The following CROT variants were observed in gnomAD, a reference collection of about 807,000 sequenced individuals.
The protein encoded by CROT is carnitine O-octanoyltransferase, also known as peroxisomal carnitine O-octanoyltransferase.
A neutral mutation model predicts 89.2 loss-of-function variants in CROT; 84 were observed. That is an observed-to-expected ratio of 0.94 (90% CI 0.79 to 1.13). CROT has a LOEUF of 1.13. CROT is among the 50% of genes most tolerant of loss of function. The pLI is 0.00. For synonymous variants in CROT, 212 were observed against 239.5 expected, an observed-to-expected ratio of 0.89 and a Z score of 1.06; for missense variants, 711 against 727.8, an observed-to-expected ratio of 0.98 and a Z score of 0.27.
chr7:87,369,731 C>T (rs956531323), intron 7 of CROT: 1 of 174,462 alleles, frequency 5.7e-6, no homozygotes, highest in African/African-American at 2.5e-5. Context: ...CATTCCCTGC[C>T]CCAGAATTAA....
intron 14 of CROT, 87 bp downstream of exon 14, chr7:87,391,799 T>G (rs1807369609): frequency 9.9e-6 from 13 of 1,318,406 alleles, no homozygotes; most frequent in Middle Eastern, 2.1e-4. Context: ...CTTCTTTGCT[T>G]CAGTTTTCCT....
At chr7:87,367,309 G>A (rs1806480303) in intron 6 of CROT, among the ~76,000 whole-genome samples, 1 of 152,154 alleles carries the variant, frequency 6.6e-6, no homozygotes, top group Non-Finnish European at 1.5e-5. Flanking sequence ...GATGGAAGAA[G>A]GGGTTCATGA....
At chr7:87,350,034 A>G (rs970965536) in intron 3 of CROT, among the ~76,000 whole-genome samples, 1 of 152,216 alleles carries the variant, frequency 6.6e-6, no homozygotes, top group Non-Finnish European at 1.5e-5. Context: ...AAACTATTTT[A>G]TCTTGCAACC....
At position 87,361,505 on chromosome 7, in the gene CROT, G is replaced by T. The variant is rs146422634; in HGVS notation, c.356G>T (p.Gly119Val). Residue 119 changes from glycine to valine, a missense_variant, in exon 5 of 18, where the codon GGG becomes GTG. Transcript: ENST00000331536. ...GAACACTACTGGCCTCCAAAGGAAGGGACTCAATTAGAAAGAGGAAGTATA... is the reference window on the plus strand; with the variant it reads ...GAACACTACTGGCCTCCAAAGGAAGTGACTCAATTAGAAAGAGGAAGTATA... ...HFEHYWPPKE[G>V]TQLERGSITL... The T allele has an allele frequency of 1.1e-5, 18 of 1,612,368 alleles. No homozygotes were observed. In the African/African-American group the frequency reaches 2.1e-4, roughly 19 times the overall value.
At chr7:87,375,746 T>TAACGAAGCTTTTCTC in intron 8 of CROT, 21 bp downstream of exon 8, 2 of 1,612,582 alleles carry the variant, frequency 1.2e-6, no homozygotes, top group Non-Finnish European at 1.7e-6. Flanking sequence ...ACACTTTTCT[T>TAACGAAGCTTTTCTC]AACGAAGCTT....
chr7:87,373,220 G>A (rs76741871), intron 7 of CROT, among the ~76,000 whole-genome samples: 1,926 of 152,160 alleles, frequency 0.013, 39 homozygotes, highest in African/African-American at 0.043. Context: ...ATGCATTTTG[G>A]CCATTTGTAT....
chr7:87,394,315 T>C (rs1370319533), intron 17 of CROT, among the ~76,000 whole-genome samples: 1 of 152,192 alleles, frequency 6.6e-6, no homozygotes, highest in East Asian at 1.9e-4. Context: ...CAAAAAGTGA[T>C]CTTTCGTGGT....
At chr7:87,345,877 T>C (rs995277845) in intron 1 of CROT, 110 bp downstream of exon 1, 10 of 158,598 alleles carry the variant, frequency 6.3e-5, no homozygotes, top group Admixed American at 2.6e-4. Context: ...GGGAGTAGTG[T>C]CATCAAGCAT....
chr7:87,359,455 A>C (rs1806207355), intron 4 of CROT, 125 bp downstream of exon 4: 1 of 1,426,254 alleles, frequency 7.0e-7, no homozygotes, highest in African/African-American at 1.5e-5. Flanking sequence ...TTCATAATCC[A>C]AAAGAAGGAA....
At chr7:87,376,633 AT>A (rs200986779) in intron 9 of CROT, among the ~76,000 whole-genome samples, 378 of 142,962 alleles carry the variant, frequency 2.6e-3, no homozygotes, top group East Asian at 7.4e-3. Context: ...AAGGAGAGAG[AT>A]TTTTTTTTTT....
At chr7:87,385,261 T>C (rs1189580820) in intron 13 of CROT, among the ~76,000 whole-genome samples, 3 of 152,256 alleles carry the variant, frequency 2.0e-5, no homozygotes, top group African/African-American at 4.8e-5. Flanking sequence ...AGGAATTGCA[T>C]TGAATATGTA....
At chr7:87,356,857 A>C (rs950666790) in intron 3 of CROT, among the ~76,000 whole-genome samples, 4 of 152,168 alleles carry the variant, frequency 2.6e-5, no homozygotes, top group Admixed American at 2.6e-4. Flanking sequence ...CCTTGTCTCT[A>C]CTAAAAATAC....
chr7:87,348,796 G>A (rs1256418952), intron 2 of CROT, among the ~76,000 whole-genome samples: 1 of 152,178 alleles, frequency 6.6e-6, no homozygotes, highest in African/African-American at 2.4e-5. Context: ...GCAAATGCTA[G>A]GTGTTCAATA....
chr7:87,354,304 G>A, intron 3 of CROT: 3 of 501,392 alleles, frequency 6.0e-6, no homozygotes, highest in South Asian at 1.4e-5. Context: ...TACCAAAAAG[G>A]CAAAGAAAAA....
At chr7:87,384,478 G>A (rs1807129455) in intron 13 of CROT, among the ~76,000 whole-genome samples, 1 of 152,214 alleles carries the variant, frequency 6.6e-6, no homozygotes, top group African/African-American at 2.4e-5. Context: ...GTTGCAGTGA[G>A]CTGAGATCGT....
intron 13 of CROT, among the ~76,000 whole-genome samples, chr7:87,386,965 T>C (rs1423353807): frequency 6.6e-6 from 1 of 152,176 alleles, no homozygotes; most frequent in Admixed American, 6.6e-5. Context: ...GGTGTCTGTC[T>C]GCCTTGATCT....
chr7:87,392,737 T>C lies in CROT; in HGVS notation c.1512T>C (p.Asp504=). The change falls in exon 16 of 18, where the codon GAT becomes GAC. Residue 504 remains aspartate, a synonymous_variant. Coordinates refer to ENST00000331536, the MANE Select transcript of CROT (RefSeq NM_021151.4). ...MKDCSAGKGF[D]RHLLGLLLIA... Reference sequence around the variant, plus strand: ...TTTGGGGTTTCATTGCAGGATTTGATCGTCACCTTTTAGGTCTCTTACTCA... The same window carrying C: ...TTTGGGGTTTCATTGCAGGATTTGACCGTCACCTTTTAGGTCTCTTACTCA... The C allele has an allele frequency of 6.2e-7, 1 of 1,613,436 alleles. No homozygotes were observed. The highest frequency in any genetic ancestry group is 8.5e-7 in the Non-Finnish European group (1 of 1,179,692).
intron 6 of CROT, among the ~76,000 whole-genome samples, chr7:87,365,459 C>T (rs112854881): frequency 0.14 from 20,723 of 149,682 alleles, 1,723 homozygotes; most frequent in African/African-American, 0.23. Context: ...CACTGCACTC[C>T]GGCCTGGGCG....
chr7:87,399,394 T>A lies in CROT; in HGVS notation c.*750T>A, dbSNP rs944656445. ...TGAAGGCTGAGACAGGAGGATCGGT[T>A]GAGCCCAGGAGGTTGTGGCTGCAGT... On this transcript the variant is annotated 3_prime_UTR_variant, in exon 18 of 18. Coordinates refer to ENST00000331536, the MANE Select transcript of CROT (RefSeq NM_021151.4). 2 of 152,314 alleles carry A rather than the reference T, an allele frequency of 1.3e-5. No individual in the cohort carries two copies. Among genetic ancestry groups the A allele is most frequent in the African/African-American group, 4.8e-5 (2 of 41,412 alleles). 9.4% of individuals were successfully genotyped at this position (152,314 alleles called of 1,614,324 possible).
Sources: allele counts gnomAD v4.1 joint callset (sites outside exome capture counted in the v4.1 genomes callset), GRCh38; gene constraint gnomAD v4.1.1; transcripts MANE v1.5; gene names NCBI Gene and HGNC (gene_info 2026-07-23, HGNC 2026-07-21).